The following MBD5 variants were observed in gnomAD, a reference collection of about 807,000 sequenced individuals.
MBD5 encodes the protein methyl-CpG-binding domain protein 5.
A neutral mutation model predicts 117.3 loss-of-function variants in MBD5; 13 were observed. That is an observed-to-expected ratio of 0.11 (90% CI 0.07 to 0.18). MBD5 has a LOEUF of 0.18. MBD5 is among the 10% of genes least tolerant of loss of function. The pLI, the probability that MBD5 is intolerant of heterozygous loss-of-function variation, is 1.00. For missense variants in MBD5, 1,879 were observed against 2,093.8 expected (o/e 0.90, Z 2.00); for synonymous variants, 727 against 766.4 (o/e 0.95, Z 0.85).
At chr2:148,259,440 A>T (rs910139144) in intron 3 of MBD5, among the ~76,000 whole-genome samples, 5 of 152,204 alleles carry the variant, frequency 3.3e-5, no homozygotes, top group African/African-American at 1.2e-4. Flanking sequence ...CAAGCAGCAC[A>T]GCTGCCACCG....
At chr2:148,380,613 G>A (rs1213211791) in intron 4 of MBD5, among the ~76,000 whole-genome samples, 1 of 152,178 alleles carries the variant, frequency 6.6e-6, no homozygotes, top group Non-Finnish European at 1.5e-5. Context: ...GGACAGCTTT[G>A]AAGAGAGTAG....
At chr2:148,031,647 A>AGAAAG (rs1694043138) in intron 1 of MBD5, among the ~76,000 whole-genome samples, 1 of 152,130 alleles carries the variant, frequency 6.6e-6, no homozygotes, top group South Asian at 2.1e-4. Flanking sequence ...AAAGAAGTAG[A>AGAAAG]GAAAGGGGGA....
chr2:148,376,744 AT>A lies in MBD5; in HGVS notation c.-557+34410del, dbSNP rs558705480. 2.1e-3 allele frequency among the ~76,000 whole-genome samples: 292 copies of A among 138,802 alleles called. 1 individual carries two copies. The highest frequency in any genetic ancestry group is 7.4e-3 in the African/African-American group (281 of 38,088). 91.1% of individuals were successfully genotyped at this position (138,802 alleles called of 152,430 possible). ...TATCTAATATATAATTATATTATAT[AT>A]TATAATTATATATATTTATATAATT... is the stretch of plus-strand genomic sequence containing the variant. On this transcript the variant is annotated intron_variant, in intron 4 of 13. Coordinates refer to ENST00000642680, the MANE Select transcript of MBD5 (RefSeq NM_001378120.1).
At chr2:148,037,233 A>G (rs1558897047) in intron 1 of MBD5, among the ~76,000 whole-genome samples, 1 of 151,982 alleles carries the variant, frequency 6.6e-6, no homozygotes, top group Non-Finnish European at 1.5e-5. Context: ...ATAACCAAGT[A>G]TTGACTGGAT....
chr2:148,476,501 C>T (rs1024780601), intron 8 of MBD5, among the ~76,000 whole-genome samples: 1 of 152,102 alleles, frequency 6.6e-6, no homozygotes, highest in Non-Finnish European at 1.5e-5. Flanking sequence ...TTTAATCACT[C>T]ACAAAACAGA....
At chr2:148,064,208 C>T (rs1695120821) in intron 1 of MBD5, among the ~76,000 whole-genome samples, 1 of 148,760 alleles carries the variant, frequency 6.7e-6, no homozygotes, top group South Asian at 2.1e-4. Context: ...TCACTGCAAG[C>T]TCCGCCTCCC....
At chr2:148,384,379 A>C (rs1457662077) in intron 4 of MBD5, among the ~76,000 whole-genome samples, 3 of 151,896 alleles carry the variant, frequency 2.0e-5, no homozygotes, top group African/African-American at 7.2e-5. Context: ...AAAGAGAATA[A>C]AATACCTAGG....
chr2:148,378,315 A>G (rs1297851475), intron 4 of MBD5, among the ~76,000 whole-genome samples: 1 of 152,174 alleles, frequency 6.6e-6, no homozygotes, highest in East Asian at 1.9e-4. Flanking sequence ...CCTGAGTCAT[A>G]TTGCTGCTTT....
chr2:148,406,739 A>G (rs1031559843), intron 4 of MBD5, among the ~76,000 whole-genome samples: 2 of 152,150 alleles, frequency 1.3e-5, no homozygotes, highest in Non-Finnish European at 2.9e-5. Flanking sequence ...CTTCTAAAAC[A>G]TACCTACCCA....
intron 3 of MBD5, among the ~76,000 whole-genome samples, chr2:148,249,630 T>C (rs1700419350): frequency 6.6e-6 from 1 of 152,190 alleles, no homozygotes; most frequent in Admixed American, 6.6e-5. Context: ...TTACCACTGA[T>C]AGTTTTCCCC....
At chr2:148,267,130 T>C (rs1167078548) in intron 3 of MBD5, among the ~76,000 whole-genome samples, 3 of 151,886 alleles carry the variant, frequency 2.0e-5, no homozygotes, top group Non-Finnish European at 4.4e-5. Flanking sequence ...GGGGTGTGAG[T>C]AGAGGGAGGA....
At chr2:148,137,648 T>C (rs976766214) in intron 1 of MBD5, among the ~76,000 whole-genome samples, 1 of 152,162 alleles carries the variant, frequency 6.6e-6, no homozygotes, top group Non-Finnish European at 1.5e-5. Context: ...CATTCTAAAC[T>C]TTACCTCATA....
rs1182648375 is a variant in MBD5 at position 148,483,249 on chromosome 2, G to A, written c.2658G>A (p.Gly886=). Residue 886 remains glycine, a synonymous_variant, in exon 9 of 14, where the codon GGG becomes GGA. Transcript: ENST00000642680. The part of the protein sequence containing the change: ...GNPLQSQLPI[G]SDFPFVGQEH... Reference sequence around the variant, plus strand: ...CACTGCAGAGTCAGCTACCCATTGGGAGTGATTTTCCTTTTGTTGGCCAGG... The same window carrying A: ...CACTGCAGAGTCAGCTACCCATTGGAAGTGATTTTCCTTTTGTTGGCCAGG... The A allele has an allele frequency of 3.7e-6, 6 of 1,613,908 alleles. No individual in the cohort carries two copies. Among genetic ancestry groups the A allele is most frequent in the Non-Finnish European group, 4.2e-6 (5 of 1,180,014 alleles).
At chr2:148,408,842 T>C (rs1482839250) in intron 4 of MBD5, among the ~76,000 whole-genome samples, 1 of 152,074 alleles carries the variant, frequency 6.6e-6, no homozygotes, top group African/African-American at 2.4e-5. Flanking sequence ...TTTTTTCTTG[T>C]CCTTATTCTG....
At chr2:148,331,466 A>G (rs1702653804) in intron 3 of MBD5, among the ~76,000 whole-genome samples, 1 of 152,134 alleles carries the variant, frequency 6.6e-6, no homozygotes, top group South Asian at 2.1e-4. Context: ...ATAAATACAA[A>G]ACACAAAACA....
At chr2:148,246,438 C>A (rs1360124818) in intron 3 of MBD5, among the ~76,000 whole-genome samples, 2 of 151,926 alleles carry the variant, frequency 1.3e-5, no homozygotes, top group African/African-American at 4.8e-5. Flanking sequence ...TACTGAGTGC[C>A]CCAACCCTTG....
chr2:148,174,033 T>G (rs1240107860), intron 1 of MBD5, among the ~76,000 whole-genome samples: 3 of 152,144 alleles, frequency 2.0e-5, no homozygotes, highest in Admixed American at 6.5e-5. Context: ...CTACCTGAAT[T>G]CAAATTGTAC....
Position 148,134,975 on chromosome 2 carries a change from G to C in MBD5, c.-924-43725G>C, listed in dbSNP as rs1311343612. On this transcript the variant is annotated intron_variant, in intron 1 of 13. Coordinates refer to ENST00000642680, the MANE Select transcript of MBD5 (RefSeq NM_001378120.1). ...CTCTCATCTTTGAATATCCACAATT[G>C]TCTTTCTTCTAACCTGGAAGATGAA... Among the ~76,000 whole-genome samples, 6 of 152,106 alleles carry C rather than the reference G, an allele frequency of 3.9e-5. No individual in the cohort carries two copies. In the East Asian group the frequency reaches 1.2e-3, roughly 29 times the overall value.
intron 6 of MBD5, among the ~76,000 whole-genome samples, chr2:148,463,308 T>G (rs772748580): frequency 6.6e-6 from 1 of 152,024 alleles, no homozygotes; most frequent in Non-Finnish European, 1.5e-5. Flanking sequence ...ACAAAACAAG[T>G]AATAGATTTT....
Sources: gnomAD v4.1 joint callset for allele counts (sites outside exome capture counted in the v4.1 genomes callset) on GRCh38, gnomAD v4.1.1 for gene constraint, MANE v1.5 for transcripts, NCBI Gene and HGNC (gene_info 2026-07-23, HGNC 2026-07-21) for gene names.